DPYD: variants seen among roughly 807,000 people sequenced by gnomAD.
The protein encoded by DPYD is dihydropyrimidine dehydrogenase, also known as dihydropyrimidine dehydrogenase [NADP(+)].
Under a neutral mutation model 116.2 loss-of-function variants are expected in DPYD, and 109 were observed. The ratio of observed to expected loss-of-function variants is 0.94; its 90% CI spans 0.80 to 1.10. The LOEUF is 1.10. Ranked by LOEUF, DPYD falls within the 50% of genes least tolerant of loss-of-function variation. The probability of loss-of-function intolerance (pLI) is 0.00; values close to 1 mark genes in which losing one functional copy is unlikely to be tolerated. For synonymous variants in DPYD, 440 were observed against 432.0 expected, an observed-to-expected ratio of 1.02 and a Z score of -0.23; for missense variants, 1,302 against 1,254.5, an observed-to-expected ratio of 1.04 and a Z score of -0.57.
intron 14 of DPYD, among the ~76,000 whole-genome samples, chr1:97,394,813 A>C (rs1672922985): frequency 6.6e-6 from 1 of 152,122 alleles, no homozygotes; most frequent in Admixed American, 6.6e-5. Context: ...CAGCAAGATC[A>C]AAAGCAAAGG....
intron 13 of DPYD, among the ~76,000 whole-genome samples, chr1:97,491,484 A>T (rs973434294): frequency 2.0e-5 from 3 of 151,832 alleles, no homozygotes; most frequent in African/African-American, 7.2e-5. Flanking sequence ...CTGTGTCTTC[A>T]TTTCCTTTTT....
intron 20 of DPYD, among the ~76,000 whole-genome samples, chr1:97,157,864 C>T (rs1655589697): frequency 6.6e-6 from 1 of 152,052 alleles, no homozygotes; most frequent in Admixed American, 6.6e-5. Context: ...GATATATTTT[C>T]CAGATGTGGC....
intron 18 of DPYD, among the ~76,000 whole-genome samples, 178 bp downstream of exon 18, chr1:97,305,081 C>T (rs750146691): frequency 6.6e-6 from 1 of 151,884 alleles, no homozygotes; most frequent in African/African-American, 2.4e-5. Context: ...TTCTCTCATC[C>T]TGTGCTGTCA....
chr1:97,413,119 T>C (rs1674100574), intron 14 of DPYD, among the ~76,000 whole-genome samples: 2 of 152,114 alleles, frequency 1.3e-5, no homozygotes, highest in South Asian at 2.1e-4. Context: ...GAACAAAAAG[T>C]ATGAAAGCAA....
chr1:97,186,800 A>G (rs1365709122), intron 20 of DPYD, among the ~76,000 whole-genome samples: 2 of 152,206 alleles, frequency 1.3e-5, no homozygotes, highest in African/African-American at 4.8e-5. Flanking sequence ...GTGAGCCGAG[A>G]ACGTGCCACT....
chr1:97,458,221 C>T (rs1676804930), intron 13 of DPYD, among the ~76,000 whole-genome samples: 1 of 152,070 alleles, frequency 6.6e-6, no homozygotes. Flanking sequence ...AAAATCTTTA[C>T]TTTTAAGAAA....
chr1:97,423,749 A>G (rs1430185795), intron 14 of DPYD, among the ~76,000 whole-genome samples: 2 of 152,150 alleles, frequency 1.3e-5, no homozygotes, highest in Non-Finnish European at 1.5e-5. Flanking sequence ...AATCTCTGCA[A>G]TGTAACACAG....
chr1:97,684,971 G>A (rs1349704024), intron 7 of DPYD, among the ~76,000 whole-genome samples: 1 of 152,130 alleles, frequency 6.6e-6, no homozygotes, highest in African/African-American at 2.4e-5. Context: ...TTGAAAACAA[G>A]GGACTTCTCC....
chr1:97,507,485 ACT>A (rs1647428773), intron 13 of DPYD, among the ~76,000 whole-genome samples: 1 of 151,996 alleles, frequency 6.6e-6, no homozygotes, highest in Non-Finnish European at 1.5e-5. Context: ...TAATAGATAA[ACT>A]CTTAATAATA....
chr1:97,863,153 T>G (rs1176158810), intron 2 of DPYD, among the ~76,000 whole-genome samples: 1 of 151,894 alleles, frequency 6.6e-6, no homozygotes, highest in Non-Finnish European at 1.5e-5. Flanking sequence ...ATGGTATGCA[T>G]TGAGGGCATC....
intron 3 of DPYD, among the ~76,000 whole-genome samples, chr1:97,780,770 G>T (rs1382609041): frequency 6.6e-6 from 1 of 152,160 alleles, no homozygotes; most frequent in African/African-American, 2.4e-5. Flanking sequence ...ACTATAAACT[G>T]TATTGCATGG....
At chr1:97,540,617 G>A (rs1650382235) in intron 12 of DPYD, among the ~76,000 whole-genome samples, 1 of 152,122 alleles carries the variant, frequency 6.6e-6, no homozygotes, top group Non-Finnish European at 1.5e-5. Context: ...CAAGTTCTCA[G>A]AACCTAGTCC....
intron 3 of DPYD, among the ~76,000 whole-genome samples, chr1:97,767,938 T>C (rs1665952699): frequency 6.6e-6 from 1 of 152,102 alleles, no homozygotes; most frequent in Non-Finnish European, 1.5e-5. Context: ...GTGTTTTTCC[T>C]GCCAACATAC....
intron 14 of DPYD, among the ~76,000 whole-genome samples, chr1:97,397,411 T>C (rs1453856279): frequency 6.6e-6 from 1 of 152,072 alleles, no homozygotes; most frequent in Non-Finnish European, 1.5e-5. Flanking sequence ...ACTCTTGCTG[T>C]TACACATTCT....
chr1:97,586,738 T>C (rs531791047), intron 10 of DPYD, among the ~76,000 whole-genome samples: 2 of 151,884 alleles, frequency 1.3e-5, no homozygotes, highest in African/African-American at 2.4e-5. Flanking sequence ...ATCTGAATTA[T>C]CACATGTACT....
chr1:97,365,645 T>C (rs1429844563), intron 16 of DPYD, among the ~76,000 whole-genome samples: 3 of 152,132 alleles, frequency 2.0e-5, no homozygotes, highest in African/African-American at 7.2e-5. Context: ...AATCCATAGT[T>C]AGCTGTTTTT....
chr1:97,130,836 C>CCTTCCT (rs1553219145), intron 20 of DPYD, among the ~76,000 whole-genome samples: 1 of 64,636 alleles, frequency 1.5e-5, no homozygotes, highest in Non-Finnish European at 2.9e-5. Context: ...TTTCTTCTTT[C>CCTTCCT]TCCTTCCTTC....
At chr1:97,507,388 T>C (rs1018314846) in intron 13 of DPYD, among the ~76,000 whole-genome samples, 2 of 151,904 alleles carry the variant, frequency 1.3e-5, no homozygotes, top group African/African-American at 4.8e-5. Flanking sequence ...AATAATCATA[T>C]ACAAAATTGG....
intron 20 of DPYD, among the ~76,000 whole-genome samples, chr1:97,165,986 A>G (rs1656295981): frequency 6.6e-6 from 1 of 152,312 alleles, no homozygotes; most frequent in South Asian, 2.1e-4. Context: ...GTGAGTGTCA[A>G]TTAGTTTAAC....
Sources: gnomAD v4.1 joint callset for allele counts (sites outside exome capture counted in the v4.1 genomes callset) on GRCh38, gnomAD v4.1.1 for gene constraint, MANE v1.5 for transcripts, NCBI Gene and HGNC (gene_info 2026-07-23, HGNC 2026-07-21) for gene names.